MMP26: variants seen among roughly 807,000 people sequenced by gnomAD.
MMP26 encodes matrix metallopeptidase 26, also known as matrix metalloproteinase-26.
Under a neutral mutation model 31.0 loss-of-function variants are expected in MMP26, and 33 were observed. The ratio of observed to expected loss-of-function variants is 1.06; its 90% CI spans 0.81 to 1.42. MMP26 has a LOEUF of 1.42. Ranked by LOEUF, MMP26 falls within the 40% of genes most tolerant of loss-of-function variation. MMP26 has a pLI of 0.00. For synonymous variants in MMP26, 122 were observed against 114.9 expected (o/e 1.06, Z -0.40); for missense variants, 347 against 316.1 (o/e 1.10, Z -0.74).
At chr11:4,903,608 G>A (rs986792866) in intron 2 of MMP26, among the ~76,000 whole-genome samples, 7 of 152,054 alleles carry the variant, frequency 4.6e-5, no homozygotes, top group African/African-American at 1.7e-4. Context: ...TTTGCCTCTA[G>A]TTTCTGTTAA....
At chr11:4,730,550 A>G (rs1287286353) in intron 1 of MMP26, among the ~76,000 whole-genome samples, 1 of 152,140 alleles carries the variant, frequency 6.6e-6, no homozygotes, top group Non-Finnish European at 1.5e-5. Context: ...GTGGCTATTG[A>G]TATTTTTCCA....
Position 4,848,933 on chromosome 11 carries a change from G to A in MMP26, c.-145+81592G>A, listed in dbSNP as rs141795519. 34 of 1,613,940 alleles carry A rather than the reference G, an allele frequency of 2.1e-5. No homozygotes were observed. In the Middle Eastern group the frequency reaches 8.2e-4, roughly 39 times the overall value. ...GGACAGTGTGAGCACCAGCAAGGGC[G>A]ATGCCCAGCAGTGTGGGCATCAGGG... On this transcript the variant is annotated intron_variant, in intron 2 of 7. Transcript: ENST00000380390.
intron 2 of MMP26, among the ~76,000 whole-genome samples, chr11:4,893,247 TAATA>T (rs1425348996): frequency 6.6e-6 from 1 of 152,156 alleles, no homozygotes; most frequent in African/African-American, 2.4e-5. Context: ...AAAAATAAGT[TAATA>T]AATGATAAAA....
intron 1 of MMP26, among the ~76,000 whole-genome samples, chr11:4,718,311 A>G (rs962230106): frequency 6.6e-6 from 1 of 152,180 alleles, no homozygotes; most frequent in African/African-American, 2.4e-5. Flanking sequence ...CTGACTACCT[A>G]CCACTTGAAG....
chr11:4,849,248 G>T (rs934205664), intron 2 of MMP26: 3 of 1,551,914 alleles, frequency 1.9e-6, no homozygotes, highest in South Asian at 2.5e-5. Context: ...CCTGAAAAAT[G>T]ATTAGAAAGG....
chr11:4,821,859 T>A (rs991384040), intron 2 of MMP26: 1 of 1,613,942 alleles, frequency 6.2e-7, no homozygotes, highest in Admixed American at 1.7e-5. Flanking sequence ...TTGCCAAGAT[T>A]GGGATGAGCA....
chr11:4,925,854 C>G (rs1442384952), intron 2 of MMP26, among the ~76,000 whole-genome samples: 4 of 151,496 alleles, frequency 2.6e-5, no homozygotes, highest in Non-Finnish European at 4.4e-5. Flanking sequence ...GGCTAAGTCA[C>G]TGTTAATTTT....
intron 2 of MMP26, among the ~76,000 whole-genome samples, chr11:4,900,320 A>T (rs1384148035): frequency 6.6e-6 from 1 of 152,204 alleles, no homozygotes. Context: ...CACCCATCAT[A>T]TGTGTCAATT....
chr11:4,779,352 C>G (rs940337767), intron 2 of MMP26, among the ~76,000 whole-genome samples: 1 of 151,834 alleles, frequency 6.6e-6, no homozygotes, highest in Non-Finnish European at 1.5e-5. Flanking sequence ...TGGTAAGATA[C>G]GTTGCACGAT....
intron 2 of MMP26, chr11:4,954,673 A>C: frequency 1.5e-6 from 1 of 669,500 alleles, no homozygotes; most frequent in Non-Finnish European, 2.5e-6. Context: ...ATAACGATAA[A>C]AATATGTGTT....
intron 2 of MMP26, among the ~76,000 whole-genome samples, chr11:4,792,656 A>C (rs1849045199): frequency 6.6e-6 from 1 of 152,206 alleles, no homozygotes. Flanking sequence ...CGAAAATCCG[A>C]TAGAGAGTTA....
At chr11:4,765,260 G>C (rs1210785760) in intron 1 of MMP26, among the ~76,000 whole-genome samples, 1 of 152,140 alleles carries the variant, frequency 6.6e-6, no homozygotes, top group Non-Finnish European at 1.5e-5. Context: ...AGAAGGTATA[G>C]AACTCTGCTG....
At chr11:4,888,285 A>G (rs11034541) in intron 2 of MMP26, among the ~76,000 whole-genome samples, 46,951 of 152,000 alleles carry the variant, frequency 0.31, 8,543 homozygotes, top group Non-Finnish European at 0.41. Context: ...TGATTTTTAC[A>G]GAAAAAATTT....
intron 1 of MMP26, among the ~76,000 whole-genome samples, chr11:4,744,852 A>T (rs1035085511): frequency 2.0e-5 from 3 of 152,168 alleles, no homozygotes; most frequent in African/African-American, 4.8e-5. Flanking sequence ...TGATTATCAC[A>T]ATGAAGGTTA....
intron 2 of MMP26, among the ~76,000 whole-genome samples, chr11:4,931,948 T>C (rs1485570634): frequency 6.6e-6 from 1 of 152,068 alleles, no homozygotes; most frequent in Non-Finnish European, 1.5e-5. Flanking sequence ...ACACGTTCGG[T>C]TCTTTTCTAC....
chr11:4,987,568 A>G (rs372701490), intron 2 of MMP26, among the ~76,000 whole-genome samples: 89 of 152,034 alleles, frequency 5.9e-4, no homozygotes, highest in East Asian at 3.7e-3. Flanking sequence ...ACAGGCGCCC[A>G]CCACCACACC....
At chr11:4,814,230 G>A (rs1170535760) in intron 2 of MMP26, among the ~76,000 whole-genome samples, 1 of 152,096 alleles carries the variant, frequency 6.6e-6, no homozygotes, top group Non-Finnish European at 1.5e-5. Context: ...TTTTGAGCGA[G>A]CAATTTCACT....
intron 1 of MMP26, among the ~76,000 whole-genome samples, chr11:4,753,135 C>A (rs915484616): frequency 1.3e-5 from 2 of 152,092 alleles, no homozygotes; most frequent in African/African-American, 4.8e-5. Context: ...ACCCGTGTAA[C>A]CGTGCCCAAG....
intron 2 of MMP26, chr11:4,822,588 A>T (rs1323953985): frequency 7.4e-6 from 3 of 407,480 alleles, no homozygotes; most frequent in Non-Finnish European, 1.3e-5. Flanking sequence ...GAAGAAACAT[A>T]TATAAACAAC....
Sources: allele counts gnomAD v4.1 joint callset (sites outside exome capture counted in the v4.1 genomes callset), GRCh38; gene constraint gnomAD v4.1.1; transcripts MANE v1.5; gene names NCBI Gene and HGNC (gene_info 2026-07-23, HGNC 2026-07-21).